Variants in RHPN1 observed in about 807,000 individuals in gnomAD.
RHPN1 encodes rhophilin Rho GTPase binding protein 1.
A neutral mutation model predicts 74.7 loss-of-function variants in RHPN1; 77 were observed. The ratio of observed to expected loss-of-function variants is 1.03; its 90% confidence interval spans 0.86 to 1.25. The LOEUF (loss-of-function observed/expected upper bound fraction) is 1.25. Among genes scored for constraint, RHPN1 ranks in the 50% most tolerant of loss-of-function variants. The probability of loss-of-function intolerance (pLI) is 0.00; values close to 1 mark genes in which losing one functional copy is unlikely to be tolerated. For missense variants in RHPN1, 987 were observed against 932.2 expected (o/e 1.06, Z -0.77); for synonymous variants, 444 against 414.5 (o/e 1.07, Z -0.87).
chr8:143,379,154 C>A, intron 7 of RHPN1, 76 bp downstream of exon 7: 1 of 1,422,524 alleles, frequency 7.0e-7, no homozygotes, highest in Non-Finnish European at 9.2e-7. Context: ...AGGGCAGGAG[C>A]TGGGGAGTGG....
intron 1 of RHPN1, 63 bp from the exon 2 acceptor site, chr8:143,375,490 C>A: frequency 8.5e-7 from 1 of 1,173,454 alleles, no homozygotes; most frequent in Non-Finnish European, 1.2e-6. Flanking sequence ...CAGTGGCTGG[C>A]GAGGCGCAGC....
intron 11 of RHPN1, 122 bp from the exon 12 acceptor site, chr8:143,381,146 G>A (rs1818695246): frequency 3.7e-6 from 3 of 809,254 alleles, no homozygotes; most frequent in African/African-American, 3.4e-5. Flanking sequence ...TTGCAGAGTG[G>A]CCAGGCCTGG....
rs768519609 is a variant in RHPN1 at position 143,384,132 on chromosome 8, G to A, written c.*1481G>A. 1 of 152,174 alleles carries A rather than the reference G, an allele frequency of 6.6e-6. No homozygotes were observed. Among genetic ancestry groups the A allele is most frequent in the African/African-American group, 2.4e-5 (1 of 41,442 alleles). 9.4% of individuals were successfully genotyped at this position (152,174 alleles called of 1,614,324 possible). On this transcript the variant is annotated 3_prime_UTR_variant, in exon 15 of 15. Coordinates refer to ENST00000289013, the MANE Select transcript of RHPN1 (RefSeq NM_052924.3). ...TCCAGGTCCCCCACTTGCCCTTGTG[G>A]GAAAATCCCTGTCTCAGCAGAATGG... is the stretch of plus-strand genomic sequence containing the variant.
At chr8:143,380,030 C>A (rs372381689) in intron 9 of RHPN1, 32 bp from the exon 10 acceptor site, 8 of 1,547,490 alleles carry the variant, frequency 5.2e-6, no homozygotes, top group Admixed American at 2.0e-5. Flanking sequence ...AAGGCCCCCC[C>A]GCGCAGGGCT....
At chr8:143,366,223 G>A (rs2450763), upstream of RHPN1, among the ~76,000 whole-genome samples, 20,157 of 151,746 alleles carry the variant, frequency 0.13, 2,974 homozygotes, top group African/African-American at 0.36. Flanking sequence ...AGGTCCCGGC[G>A]CTCACTGCCG....
Position 143,380,635 on chromosome 8 carries a change from G to A in RHPN1, c.1263G>A (p.Leu421=). The A allele has an allele frequency of 1.3e-6, 2 of 1,556,758 alleles. No individual in the cohort carries two copies. Residue 421 remains leucine, a synonymous_variant, in exon 11 of 15, where the codon CTG becomes CTA. Transcript: ENST00000289013. ...KRAILGQEEA[L]RLHALCRVLR... ...CCATCCTGGGGCAGGAGGAGGCGCTGCGGCTGCACGCCCTGTGCCGCGTCC... is the reference window on the plus strand; with the variant it reads ...CCATCCTGGGGCAGGAGGAGGCGCTACGGCTGCACGCCCTGTGCCGCGTCC...
rs1416870296 is a variant in RHPN1 at position 143,379,470 on chromosome 8, TGCCTGGCCCAGCTGC to T, written c.915_929del (p.Leu307_Gln311del). 2.6e-6 allele frequency: 4 copies of T among 1,567,974 alleles called. No homozygotes were observed. The highest frequency in any genetic ancestry group is 3.5e-6 in the Non-Finnish European group (4 of 1,156,916). The stretch of plus-strand genomic sequence containing the variant: ...ACCTGCCTCCATGGCCCCCCAAGAC[TGCCTGGCCCAGCTGC>T]GCCTGGCGCAGGAGGCCGCCCAGGT... On this transcript the variant is annotated inframe_deletion, in exon 8 of 15. Coordinates refer to ENST00000289013, the MANE Select transcript of RHPN1 (RefSeq NM_052924.3).
chr8:143,368,841 C>G (rs866009590), upstream of RHPN1: 2 of 428,360 alleles, frequency 4.7e-6, no homozygotes, highest in South Asian at 9.5e-5. Flanking sequence ...CGGGCCGCCC[C>G]CACTCAGGAG....
rs1359146264 is a variant in RHPN1, at chr8:143,381,347, G to A, written c.1488+3G>A. 1.2e-6 allele frequency: 2 copies of A among 1,605,718 alleles called. No individual in the cohort carries two copies. The highest frequency in any genetic ancestry group is 1.7e-6 in the Non-Finnish European group (2 of 1,176,646). ...GGCCTGACATCTTCCATCGGCTGGTGAGCACACCCGTCCCCAGGCACCGCC... is the reference window on the plus strand; with the variant it reads ...GGCCTGACATCTTCCATCGGCTGGTAAGCACACCCGTCCCCAGGCACCGCC... On this transcript the variant is annotated splice_donor_region_variant and intron_variant, in intron 12 of 14. Transcript: ENST00000289013.
intron 10 of RHPN1, 27 bp downstream of exon 10, chr8:143,380,202 TG>T: frequency 6.9e-7 from 1 of 1,453,868 alleles, no homozygotes. Flanking sequence ...TGGAGTGCCC[TG>T]GGGCTCAGAT....
rs757789066 is a variant in RHPN1 at position 143,375,594 on chromosome 8, G to A, written c.102G>A (p.Gln34=). The stretch of plus-strand genomic sequence containing the variant: ...CGCAGATCCAGTGCGGCCAGCTGCA[G>A]AGCCGCAGGGCCCAGATTCACCAGC... ...SLTQIQCGQL[Q]SRRAQIHQQI... Residue 34 remains glutamine (Q), a synonymous_variant, in exon 2 of 15, where the codon CAG becomes CAA. Coordinates refer to ENST00000289013, the MANE Select transcript of RHPN1 (RefSeq NM_052924.3). 6.2e-6 allele frequency: 10 copies of A among 1,607,048 alleles called. No homozygotes were observed. In the South Asian group the frequency reaches 1.1e-4, roughly 18 times the overall value.
chr8:143,372,035 A>C (rs1554625900), intron 1 of RHPN1, among the ~76,000 whole-genome samples: 3 of 152,180 alleles, frequency 2.0e-5, no homozygotes. Context: ...CACTGCGGGT[A>C]GGGAGGCCGA....
intron 5 of RHPN1, 67 bp from the exon 6 acceptor site, chr8:143,378,629 T>C (rs901473148): frequency 4.5e-6 from 7 of 1,542,068 alleles, no homozygotes; most frequent in Non-Finnish European, 5.2e-6. Flanking sequence ...CCCATGGGAC[T>C]TCCCAGGGCA....
chr8:143,380,621 C>T lies in RHPN1; in HGVS notation c.1249C>T (p.Gln417Ter). 4.5e-6 allele frequency: 7 copies of T among 1,546,376 alleles called. No homozygotes were observed. Among genetic ancestry groups the T allele is most frequent in the Non-Finnish European group, 6.1e-6 (7 of 1,144,922 alleles). ...KAHLKRAILGQEEALRLHALC... is the reference protein window; with the variant it reads ...KAHLKRAILG ...ACACCTGAAGCGTGCCATCCTGGGGCAGGAGGAGGCGCTGCGGCTGCACGC... is the reference window on the plus strand; with the variant it reads ...ACACCTGAAGCGTGCCATCCTGGGGTAGGAGGAGGCGCTGCGGCTGCACGC... The change falls in exon 11 of 15, where the codon CAG becomes TAG. Residue 417 changes from glutamine to a stop codon, truncating the protein, a stop_gained. Transcript: ENST00000289013. LOFTEE classifies it high-confidence loss of function.
chr8:143,369,703 C>T (rs543264784), intron 1 of RHPN1, among the ~76,000 whole-genome samples: 4 of 152,360 alleles, frequency 2.6e-5, no homozygotes, highest in Admixed American at 2.6e-4. Flanking sequence ...TGCGGACCAG[C>T]TCGAGGCTGC....
intron 5 of RHPN1, among the ~76,000 whole-genome samples, 164 bp from the exon 6 acceptor site, chr8:143,378,532 T>C (rs1818448480): frequency 6.6e-6 from 1 of 152,028 alleles, no homozygotes; most frequent in Non-Finnish European, 1.5e-5. Flanking sequence ...CCCAGGTGGC[T>C]CCGGTGCCGC....
rs1210713080 is a variant in RHPN1, at chr8:143,381,626, C to A, written c.1543C>A (p.His515Asn). The stretch of plus-strand genomic sequence containing the variant: ...CCGGTGGCGGCTGGTGGGGCCCGTC[C>A]ACCTGACCCGAGGAGAGGGCGGCTT... ...KNRWRLVGPV[H>N]LTRGEGGFGL... Residue 515 changes from histidine to asparagine, a missense_variant, in exon 13 of 15, where the codon CAC (histidine) becomes AAC (asparagine). Transcript: ENST00000289013. 2 of 1,610,604 alleles carry A rather than the reference C, an allele frequency of 1.2e-6. No individual in the cohort carries two copies. Among genetic ancestry groups the A allele is most frequent in the Non-Finnish European group, 1.7e-6 (2 of 1,179,240 alleles).
At chr8:143,370,580 T>G (rs1586800529) in intron 1 of RHPN1, among the ~76,000 whole-genome samples, 1 of 152,242 alleles carries the variant, frequency 6.6e-6, no homozygotes, top group East Asian at 1.9e-4. Flanking sequence ...GTGACTTGTA[T>G]TTGCCCCAGG....
intron 3 of RHPN1, among the ~76,000 whole-genome samples, chr8:143,377,153 T>C (rs539660305): frequency 3.5e-4 from 54 of 152,180 alleles, no homozygotes; most frequent in South Asian, 1.0e-3. Flanking sequence ...TGTGTGTGTG[T>C]GCGCGCGCAT....
Sources: gnomAD v4.1 joint callset for allele counts (sites outside exome capture counted in the v4.1 genomes callset) on GRCh38, gnomAD v4.1.1 for gene constraint, MANE v1.5 for transcripts, NCBI Gene and HGNC (gene_info 2026-07-23, HGNC 2026-07-21) for gene names.